DNAH6: variants seen among roughly 807,000 people sequenced by gnomAD.
DNAH6 encodes the protein dynein axonemal heavy chain 6.
In DNAH6, 340 loss-of-function variants were observed where a neutral mutation model predicts 491.4. The observed-to-expected ratio is 0.69, with a 90% confidence interval of 0.63 to 0.76. The LOEUF (loss-of-function observed/expected upper bound fraction) is 0.76. Among genes scored for constraint, DNAH6 ranks in the 30% least tolerant of loss-of-function variants. DNAH6 has a pLI of 0.00. For missense variants in DNAH6, 4,443 were observed against 4,972.2 expected (o/e 0.89, Z 3.20); for synonymous variants, 1,603 against 1,686.1 (o/e 0.95, Z 1.21).
At chr2:84,759,077 A>C (rs1445489816) in intron 63 of DNAH6, among the ~76,000 whole-genome samples, 1 of 152,196 alleles carries the variant, frequency 6.6e-6, no homozygotes, top group Non-Finnish European at 1.5e-5. Context: ...AAAACGCTTA[A>C]ATTTGATAAA....
chr2:84,760,756 T>C (rs114798929), intron 63 of DNAH6, among the ~76,000 whole-genome samples: 1 of 152,000 alleles, frequency 6.6e-6, no homozygotes, highest in African/African-American at 2.4e-5. Flanking sequence ...TTTAAAAAAA[T>C]TTTTTTTGAG....
intron 76 of DNAH6, among the ~76,000 whole-genome samples, chr2:84,817,787 T>A (rs1183099011): frequency 1.3e-5 from 2 of 152,138 alleles, no homozygotes; most frequent in African/African-American, 2.4e-5. Flanking sequence ...AGGGAGCTGG[T>A]GTTTAGAGGT....
chr2:84,555,133 A>G (rs1220878893), intron 10 of DNAH6, among the ~76,000 whole-genome samples: 1 of 152,242 alleles, frequency 6.6e-6, no homozygotes, highest in East Asian at 1.9e-4. Flanking sequence ...CATTAGCCTT[A>G]ATCATTCCCA....
At chr2:84,525,143 AT>A (rs36051946) in intron 2 of DNAH6, among the ~76,000 whole-genome samples, 3 of 151,644 alleles carry the variant, frequency 2.0e-5, no homozygotes, top group African/African-American at 4.8e-5. Context: ...AATGCCACCT[AT>A]TTTTTTTAGA....
chr2:84,722,685 A>C lies in DNAH6; in HGVS notation c.9853A>C (p.Asn3285His), dbSNP rs1363283026. The C allele has an allele frequency of 1.3e-6, 2 of 1,550,382 alleles. No homozygotes were observed. Among genetic ancestry groups the C allele is most frequent in the Non-Finnish European group, 8.7e-7 (1 of 1,146,516 alleles). ...AGCAGAGTCCACTGAGCAGATGATC[A>C]ATGTGGCTCGTGAGAAGTATCGTCC... ...EEAESTEQMI[N>H]VAREKYRPVA... is the part of the protein sequence containing the mutation. The change falls in exon 60 of 77, where the codon AAT becomes CAT. Residue 3285 changes from asparagine (N) to histidine (H), a missense_variant. Physicochemically the swap from Asn to His is moderately conservative, Grantham distance 68 (BLOSUM62 1). Coordinates refer to ENST00000389394, the MANE Select transcript of DNAH6 (RefSeq NM_001370.2).
chr2:84,720,749 C>T (rs1460125356), intron 59 of DNAH6, among the ~76,000 whole-genome samples: 3 of 152,272 alleles, frequency 2.0e-5, no homozygotes, highest in African/African-American at 4.8e-5. Context: ...GATATTTCCT[C>T]GCCCATTCTT....
Position 84,547,539 on chromosome 2 carries a change from C to CGATTT in DNAH6, c.1113_1114insGATTT (p.Arg372AspfsTer53). ...TTCGAAATGAGGCAAAATATGTAGTCAGGAGGGCTTGTCGATTTGCTTTGC... is the reference window on the plus strand; with the variant it reads ...TTCGAAATGAGGCAAAATATGTAGTCGATTTAGGAGGGCTTGTCGATTTGCTTTGC... On this transcript the variant is annotated frameshift_variant, in exon 7 of 77. Coordinates refer to ENST00000389394, the MANE Select transcript of DNAH6 (RefSeq NM_001370.2). LOFTEE classifies it high-confidence loss of function. 1 of 1,551,730 alleles carries CGATTT rather than the reference C, an allele frequency of 6.4e-7. No individual in the cohort carries two copies. Among genetic ancestry groups the CGATTT allele is most frequent in the Non-Finnish European group, 8.7e-7 (1 of 1,146,962 alleles).
chr2:84,744,014 A>G (rs988630590), intron 62 of DNAH6, among the ~76,000 whole-genome samples: 1 of 152,172 alleles, frequency 6.6e-6, no homozygotes, highest in Admixed American at 6.5e-5. Flanking sequence ...ACCTTTAACT[A>G]AAGAGTATTG....
At chr2:84,692,860 C>G (rs1340709354) in intron 45 of DNAH6, among the ~76,000 whole-genome samples, 2 of 152,140 alleles carry the variant, frequency 1.3e-5, no homozygotes. Flanking sequence ...GTCATCTTGT[C>G]GAGTAGATGC....
chr2:84,805,799 TAA>T lies in DNAH6; in HGVS notation c.11611+7_11611+8del. On this transcript the variant is annotated splice_donor_region_variant and intron_variant, in intron 71 of 76. Coordinates refer to ENST00000389394, the MANE Select transcript of DNAH6 (RefSeq NM_001370.2). ...CTGTCCAGACCAGAGTTCCAGGTAA[TAA>T]ATAATTCTAGGAATCTGTATGTAAT... The T allele has an allele frequency of 1.9e-6, 3 of 1,547,702 alleles. No homozygotes were observed. Among genetic ancestry groups the T allele is most frequent in the Non-Finnish European group, 2.6e-6 (3 of 1,145,546 alleles).
Position 84,685,323 on chromosome 2 carries a change from C to T in DNAH6, c.6917-3C>T. On this transcript the variant is annotated splice_polypyrimidine_tract_variant and splice_region_variant and intron_variant, in intron 42 of 76. Coordinates refer to ENST00000389394, the MANE Select transcript of DNAH6 (RefSeq NM_001370.2). ...TTTTTTTTTTCCTTTTCTTAAAAAA[C>T]AGGTATCCTCCAATGTGATCCAGGA... 7.0e-7 allele frequency: 1 copy of T among 1,422,168 alleles called. No homozygotes were observed. The highest frequency in any genetic ancestry group is 2.8e-5 in the Admixed American group (1 of 35,276). The allele number at this position is 1,422,168 out of a possible 1,614,324, so 88.1% of individuals were successfully genotyped here.
intron 58 of DNAH6, among the ~76,000 whole-genome samples, chr2:84,717,180 A>G (rs1697619606): frequency 6.6e-6 from 1 of 152,106 alleles, no homozygotes; most frequent in African/African-American, 2.4e-5. Flanking sequence ...CTCACCTCAC[A>G]GACTTCCTTG....
chr2:84,519,161 A>G (rs1016266591), intron 2 of DNAH6, among the ~76,000 whole-genome samples: 5 of 152,056 alleles, frequency 3.3e-5, no homozygotes, highest in Non-Finnish European at 7.4e-5. Context: ...AGTCTCAGCC[A>G]ACAGCCTGTA....
At chr2:84,814,239 G>T (rs1680279078) in intron 75 of DNAH6, 117 bp downstream of exon 75, 1 of 1,102,682 alleles carries the variant, frequency 9.1e-7, no homozygotes, top group South Asian at 1.6e-5. Flanking sequence ...AGCAGGAAGG[G>T]CAGGGTAGTA....
chr2:84,531,257 C>T (rs1482720267), intron 4 of DNAH6, among the ~76,000 whole-genome samples: 1 of 152,018 alleles, frequency 6.6e-6, no homozygotes, highest in Non-Finnish European at 1.5e-5. Context: ...GGCAGGTTTG[C>T]CATTAGCAGT....
chr2:84,710,981 A>T (rs997227155), intron 56 of DNAH6, among the ~76,000 whole-genome samples: 7 of 152,298 alleles, frequency 4.6e-5, no homozygotes, highest in African/African-American at 1.7e-4. Flanking sequence ...TTCAAACATT[A>T]TTTGGGAACC....
intron 43 of DNAH6, 70 bp from the exon 44 acceptor site, chr2:84,686,413 AT>A (rs1694261311): frequency 1.2e-6 from 1 of 867,336 alleles, no homozygotes; most frequent in Admixed American, 2.4e-5. Context: ...ATTATTCTAT[AT>A]GTTTTATCAC....
intron 5 of DNAH6, among the ~76,000 whole-genome samples, chr2:84,546,880 G>C (rs1197853587): frequency 6.6e-6 from 1 of 152,114 alleles, no homozygotes. Flanking sequence ...GCTTTCTTCT[G>C]TGTCCCAGCC....
chr2:84,735,331 C>G (rs530556986), intron 62 of DNAH6, among the ~76,000 whole-genome samples: 1 of 152,278 alleles, frequency 6.6e-6, no homozygotes, highest in African/African-American at 2.4e-5. Context: ...CATGTATTTG[C>G]TGTTGTGAAT....
Sources: allele counts gnomAD v4.1 joint callset (sites outside exome capture counted in the v4.1 genomes callset), GRCh38; gene constraint gnomAD v4.1.1; transcripts MANE v1.5; gene names NCBI Gene and HGNC (gene_info 2026-07-23, HGNC 2026-07-21).